LPP: variants seen among roughly 807,000 people sequenced by gnomAD.
LPP encodes the protein LIM domain containing preferred translocation partner in lipoma, also known as lipoma-preferred partner.
Under a neutral mutation model 60.4 loss-of-function variants are expected in LPP, and 38 were observed. That is an observed-to-expected ratio of 0.63 (90% confidence interval 0.49 to 0.83). LPP has a LOEUF of 0.83. Ranked by LOEUF, LPP falls within the 40% of genes least tolerant of loss-of-function variation. LPP has a pLI of 0.00. For synonymous variants in LPP, 328 were observed against 290.8 expected (o/e 1.13, Z -1.30); for missense variants, 902 against 783.6 (o/e 1.15, Z -1.80).
In LPP at chr3:188,760,409, G is replaced by GGGGTGTGTGTGTGT. The variant is rs1553836222; in HGVS notation, c.1410+128_1410+129insGGTGTGTGTGTGTG. On this transcript the variant is annotated intron_variant, in intron 9 of 11. Coordinates refer to ENST00000617246, the MANE Select transcript of LPP (RefSeq NM_001375462.1). The stretch of plus-strand genomic sequence containing the variant: ...CCTAGACTTCAAAATGTGTGTGTGG[G>GGGGTGTGTGTGTGT]GTGTGTGTGTGTGTGTGTGTGTGTG... 83 of 602,808 alleles carry GGGGTGTGTGTGTGT rather than the reference G, an allele frequency of 1.4e-4. No homozygotes were observed. The Middle Eastern group carries it at 1.5e-3, about 11-fold the overall frequency. 37.3% of individuals were successfully genotyped at this position (602,808 alleles called of 1,614,324 possible).
At chr3:188,664,009 T>G (rs1855207798) in intron 7 of LPP, among the ~76,000 whole-genome samples, 1 of 152,196 alleles carries the variant, frequency 6.6e-6, no homozygotes, top group Non-Finnish European at 1.5e-5. Context: ...GCCTGGGGAT[T>G]GGGGACACCT....
At chr3:188,592,563 T>TTTTTTTTTTTTTTTTTTTGGAG in intron 6 of LPP, among the ~76,000 whole-genome samples, 5 of 77,220 alleles carry the variant, frequency 6.5e-5, no homozygotes, top group African/African-American at 1.4e-4. Context: ...TTTTGTTTTT[T>TTTTTTTTTTTTTTTTTTTGGAG]AAATGGAGTC....
At chr3:188,410,157 T>TA (rs915475914) in intron 4 of LPP, among the ~76,000 whole-genome samples, 2 of 152,326 alleles carry the variant, frequency 1.3e-5, no homozygotes, top group South Asian at 4.1e-4. Context: ...ACCTGACACA[T>TA]ACTAGGAACT....
At chr3:188,777,625 C>T (rs1205057607) in intron 9 of LPP, among the ~76,000 whole-genome samples, 1 of 152,114 alleles carries the variant, frequency 6.6e-6, no homozygotes, top group Non-Finnish European at 1.5e-5. Context: ...TGTCTTTTCA[C>T]GTAGATTATG....
At chr3:188,154,465 C>G (rs1349841612) in intron 1 of LPP, among the ~76,000 whole-genome samples, 2 of 152,114 alleles carry the variant, frequency 1.3e-5, no homozygotes, top group African/African-American at 2.4e-5. Flanking sequence ...CCAAAAGCGT[C>G]GACCCCAGGC....
At chr3:188,485,335 G>A (rs191711844) in intron 5 of LPP, among the ~76,000 whole-genome samples, 39 of 152,258 alleles carry the variant, frequency 2.6e-4, no homozygotes, top group East Asian at 2.5e-3. Flanking sequence ...GGTAACTGCC[G>A]AAAGCTGCCA....
chr3:188,819,970 C>T (rs1331256210), intron 9 of LPP, among the ~76,000 whole-genome samples: 1 of 152,178 alleles, frequency 6.6e-6, no homozygotes, highest in African/African-American at 2.4e-5. Context: ...GAAAGGGAAG[C>T]TTTGCACTCT....
intron 2 of LPP, among the ~76,000 whole-genome samples, chr3:188,316,430 A>G (rs1332401734): frequency 6.6e-6 from 1 of 151,918 alleles, no homozygotes; most frequent in African/African-American, 2.4e-5. Flanking sequence ...ACTGACCAAG[A>G]CCCTACTGGA....
intron 3 of LPP, among the ~76,000 whole-genome samples, chr3:188,380,108 G>C (rs1776459553): frequency 6.6e-6 from 1 of 152,182 alleles, no homozygotes; most frequent in Non-Finnish European, 1.5e-5. Flanking sequence ...TGGAGAACCA[G>C]GTGTGAAATC....
At chr3:188,590,496 C>T (rs1016814556) in intron 6 of LPP, among the ~76,000 whole-genome samples, 6 of 152,252 alleles carry the variant, frequency 3.9e-5, no homozygotes, top group Admixed American at 6.5e-5. Context: ...ATCGCTTGAA[C>T]CTGGCAAGCA....
chr3:188,235,433 T>C (rs1721545843), intron 2 of LPP, among the ~76,000 whole-genome samples: 1 of 152,220 alleles, frequency 6.6e-6, no homozygotes, highest in Non-Finnish European at 1.5e-5. Flanking sequence ...TTTTCTATTT[T>C]AGGTATTTTG....
chr3:188,609,599 G>GC lies in LPP; in HGVS notation c.873dup (p.Asn292GlnfsTer7). On this transcript the variant is annotated frameshift_variant, in exon 7 of 12. Coordinates refer to ENST00000617246, the MANE Select transcript of LPP (RefSeq NM_001375462.1). LOFTEE classifies it high-confidence loss of function. This position sits in a 1 kb window ranked among gnomAD's most constrained non-coding sequence, Gnocchi z 6.9. ...TCAGCCGGAGCCTGGGTATGGGTAT[G>GC]CCCCCAACCAGGGACGCTATTATGA... 7 of 1,614,180 alleles carry GC rather than the reference G, an allele frequency of 4.3e-6. No individual in the cohort carries two copies. Among genetic ancestry groups the GC allele is most frequent in the Non-Finnish European group, 5.9e-6 (7 of 1,180,032 alleles).
At chr3:188,534,420 A>G (rs758660059) in intron 6 of LPP, among the ~76,000 whole-genome samples, 1 of 152,240 alleles carries the variant, frequency 6.6e-6, no homozygotes, top group Non-Finnish European at 1.5e-5. Flanking sequence ...TCCTATGTCT[A>G]TGCAGAAGCA....
At chr3:188,509,458 CAG>C (rs1396658838) in intron 5 of LPP, among the ~76,000 whole-genome samples, 1 of 152,194 alleles carries the variant, frequency 6.6e-6, no homozygotes, top group Admixed American at 6.5e-5. Context: ...GTTTGAACAA[CAG>C]GTGGGATTCT....
At chr3:188,202,962 C>T (rs1277901427) in intron 1 of LPP, among the ~76,000 whole-genome samples, 7 of 151,554 alleles carry the variant, frequency 4.6e-5, no homozygotes, top group African/African-American at 9.7e-5. Context: ...GGAGCCAGAC[C>T]TCCTGTACCT....
chr3:188,699,408 CA>C (rs1863927749), intron 7 of LPP, among the ~76,000 whole-genome samples: 2 of 151,140 alleles, frequency 1.3e-5, no homozygotes, highest in African/African-American at 4.8e-5. Context: ...AATTCAGAAT[CA>C]TCCATCCTTG....
intron 7 of LPP, among the ~76,000 whole-genome samples, chr3:188,622,624 C>A (rs962104381): frequency 7.9e-5 from 12 of 152,152 alleles, no homozygotes; most frequent in African/African-American, 2.6e-4. Flanking sequence ...AAAGGACATA[C>A]AATGATGAAC....
At chr3:188,608,807 A>G (rs764268433) in intron 6 of LPP, among the ~76,000 whole-genome samples, 1 of 152,152 alleles carries the variant, frequency 6.6e-6, no homozygotes. Context: ...ATGAACACAG[A>G]TGTTTATCCG....
chr3:188,662,586 G>T (rs1357552701), intron 7 of LPP, among the ~76,000 whole-genome samples: 1 of 152,218 alleles, frequency 6.6e-6, no homozygotes, highest in Non-Finnish European at 1.5e-5. Flanking sequence ...TTTAAAGATT[G>T]ACTTTATGGT....
Sources: gnomAD v4.1 joint callset for allele counts (sites outside exome capture counted in the v4.1 genomes callset) on GRCh38, gnomAD v4.1.1 for gene constraint, Gnocchi (gnomAD v3.1) non-coding constraint, MANE v1.5 for transcripts, NCBI Gene and HGNC (gene_info 2026-07-23, HGNC 2026-07-21) for gene names.